The following CSMD1 variants were observed in gnomAD, a reference collection of about 807,000 sequenced individuals.
CSMD1 encodes the protein CUB and Sushi multiple domains 1, also known as CUB and sushi domain-containing protein 1.
In CSMD1, 213 loss-of-function variants were observed where a neutral mutation model predicts 417.5. That is an observed-to-expected ratio of 0.51 (90% CI 0.46 to 0.57). The LOEUF (loss-of-function observed/expected upper bound fraction) is 0.57, where lower values mean the gene tolerates loss of function less well. Ranked by LOEUF, CSMD1 falls within the 20% of genes least tolerant of loss-of-function variation. The probability of loss-of-function intolerance (pLI) is 0.00; values close to 1 mark genes in which losing one functional copy is unlikely to be tolerated. For missense variants in CSMD1, 6,923 were observed against 4,529.7 expected (o/e 1.53, Z -15.17); for synonymous variants, 2,862 against 1,736.8 (o/e 1.65, Z -16.11).
At chr8:3,647,569 C>T (rs932440247) in intron 7 of CSMD1, among the ~76,000 whole-genome samples, 12 of 151,936 alleles carry the variant, frequency 7.9e-5, no homozygotes, top group African/African-American at 2.4e-4. Flanking sequence ...AAGAGAAATA[C>T]GGCATAAAGA....
chr8:3,299,210 G>C (rs1421510257), intron 25 of CSMD1, among the ~76,000 whole-genome samples: 2 of 152,160 alleles, frequency 1.3e-5, no homozygotes, highest in African/African-American at 2.4e-5. Flanking sequence ...CCAGTATTTT[G>C]GGAGGCCGAG....
In CSMD1 at chr8:3,953,599, C is replaced by G. The variant is rs554665632; in HGVS notation, c.818+44304G>C. On this transcript the variant is annotated intron_variant, in intron 5 of 69. Coordinates refer to ENST00000635120, the MANE Select transcript of CSMD1 (RefSeq NM_033225.6). ...TTGGAGCTATTAAAGTGGGTCACTG[C>G]GCCCAAGCATACGCATTTCAAGGTT... 2.0e-5 allele frequency among the ~76,000 whole-genome samples: 3 copies of G among 152,090 alleles called. No individual in the cohort carries two copies. In the South Asian group the frequency reaches 6.2e-4, roughly 32 times the overall value.
At chr8:4,721,300 G>A (rs1200466707) in intron 1 of CSMD1, among the ~76,000 whole-genome samples, 7 of 152,136 alleles carry the variant, frequency 4.6e-5, no homozygotes, top group African/African-American at 1.2e-4. Flanking sequence ...ATAAATACAT[G>A]TGATTTTGTA....
At chr8:3,320,247 A>T (rs1806064778) in intron 23 of CSMD1, among the ~76,000 whole-genome samples, 2 of 152,160 alleles carry the variant, frequency 1.3e-5, no homozygotes, top group South Asian at 4.1e-4. Flanking sequence ...GGGACGGAGG[A>T]TGAGAAGAAA....
intron 3 of CSMD1, among the ~76,000 whole-genome samples, chr8:4,294,190 C>T (rs900226187): frequency 2.0e-5 from 3 of 152,144 alleles, no homozygotes; most frequent in Admixed American, 1.3e-4. Flanking sequence ...CAACTACACC[C>T]CAATTTCAGG....
chr8:3,972,611 C>G (rs559241098), intron 5 of CSMD1, among the ~76,000 whole-genome samples: 16 of 152,126 alleles, frequency 1.1e-4, no homozygotes, highest in African/African-American at 3.9e-4. Context: ...TTTTAATGTA[C>G]TACTAAGCCA....
At chr8:4,925,192 A>C (rs1806771195) in intron 1 of CSMD1, among the ~76,000 whole-genome samples, 1 of 147,206 alleles carries the variant, frequency 6.8e-6, no homozygotes, top group African/African-American at 2.5e-5. Context: ...AGAGAATAAA[A>C]CATGGTGAAT....
chr8:4,174,567 C>A (rs1797936464), intron 3 of CSMD1, among the ~76,000 whole-genome samples: 1 of 150,506 alleles, frequency 6.6e-6, no homozygotes. Context: ...ATAAATACTG[C>A]ATGCACTCTG....
At chr8:4,618,296 A>ACGTCTTAT (rs1554526069) in intron 2 of CSMD1, among the ~76,000 whole-genome samples, 2 of 79,458 alleles carry the variant, frequency 2.5e-5, no homozygotes, top group African/African-American at 1.4e-4. Context: ...AAGCTCAGCC[A>ACGTCTTAT]TGTCCCTCAT....
intron 17 of CSMD1, among the ~76,000 whole-genome samples, chr8:3,394,023 TATATATATATATA>T (rs1321765496): frequency 0.14 from 13,369 of 96,092 alleles, 1,361 homozygotes; most frequent in Middle Eastern, 0.23. Context: ...TATATATATA[TATATATATATATA>T]TATATATATA....
intron 11 of CSMD1, among the ~76,000 whole-genome samples, chr8:3,477,289 A>G (rs938099127): frequency 6.6e-6 from 1 of 152,222 alleles, no homozygotes; most frequent in East Asian, 1.9e-4. Context: ...TACTCATTAC[A>G]GTTGAAAATT....
intron 10 of CSMD1, among the ~76,000 whole-genome samples, chr8:3,526,317 ATT>A (rs59664767): frequency 6.0e-5 from 9 of 150,198 alleles, no homozygotes; most frequent in South Asian, 4.2e-4. Flanking sequence ...TTTAAAATAT[ATT>A]TTTTTTTTGT....
intron 2 of CSMD1, among the ~76,000 whole-genome samples, chr8:4,463,847 A>G (rs1237664725): frequency 2.0e-5 from 3 of 152,198 alleles, no homozygotes; most frequent in Admixed American, 1.3e-4. Context: ...CCAGGAATAT[A>G]TTAAAAAGCA....
chr8:3,755,699 G>A (rs559733901), intron 5 of CSMD1, among the ~76,000 whole-genome samples: 10 of 152,028 alleles, frequency 6.6e-5, no homozygotes, highest in Non-Finnish European at 1.0e-4. Context: ...GATGTCAGGG[G>A]GCTCTATTCC....
chr8:4,345,069 G>C (rs887227339), intron 3 of CSMD1, among the ~76,000 whole-genome samples: 2 of 152,116 alleles, frequency 1.3e-5, no homozygotes, highest in African/African-American at 4.8e-5. Context: ...GTCAGTCTGT[G>C]GTTGGGGCTT....
At chr8:4,179,885 C>G (rs1320578460) in intron 3 of CSMD1, among the ~76,000 whole-genome samples, 2 of 152,176 alleles carry the variant, frequency 1.3e-5, no homozygotes, top group Admixed American at 6.5e-5. Context: ...GAGATACCAT[C>G]TCACACCAGT....
chr8:4,472,288 A>G (rs1045999646), intron 2 of CSMD1, among the ~76,000 whole-genome samples: 3 of 152,178 alleles, frequency 2.0e-5, no homozygotes, highest in African/African-American at 7.2e-5. Context: ...ATAATTAAAA[A>G]AGTAAAGCTC....
chr8:4,295,497 T>TATA (rs35055357), intron 3 of CSMD1, among the ~76,000 whole-genome samples: 11,361 of 144,126 alleles, frequency 0.079, 505 homozygotes, highest in South Asian at 0.11. Context: ...AGATTAAATA[T>TATA]ATCTTATACA....
chr8:4,248,061 G>C (rs11776092), intron 3 of CSMD1, among the ~76,000 whole-genome samples: 23,402 of 152,094 alleles, frequency 0.15, 2,267 homozygotes, highest in Non-Finnish European at 0.21. Context: ...TTGAATGAAT[G>C]GAAATTGTTA....
Sources: allele counts gnomAD v4.1 joint callset (sites outside exome capture counted in the v4.1 genomes callset), GRCh38; gene constraint gnomAD v4.1.1; transcripts MANE v1.5; gene names NCBI Gene and HGNC (gene_info 2026-07-23, HGNC 2026-07-21).